PSMD11: variants seen among roughly 807,000 people sequenced by gnomAD.
The protein encoded by PSMD11 is 26S proteasome non-ATPase regulatory subunit 11.
PSMD11 carries 5 observed loss-of-function variants against 62.3 expected under a neutral mutation model. The observed-to-expected ratio is 0.08, with a 90% confidence interval of 0.04 to 0.17. PSMD11 has a LOEUF of 0.17. PSMD11 is among the 10% of genes least tolerant of loss of function. The probability of loss-of-function intolerance (pLI) is 1.00; values close to 1 mark genes in which losing one functional copy is unlikely to be tolerated. For synonymous variants in PSMD11, 191 were observed against 191.8 expected, an observed-to-expected ratio of 1.00 and a Z score of 0.03; for missense variants, 310 against 512.9, an observed-to-expected ratio of 0.60 and a Z score of 3.82.
intron 8 of PSMD11, among the ~76,000 whole-genome samples, chr17:32,475,334 T>C (rs995500322): frequency 6.6e-6 from 1 of 151,750 alleles, no homozygotes; most frequent in African/African-American, 2.4e-5. Context: ...AGAGGCCCTT[T>C]TTTTTTTTTT....
chr17:32,452,127 G>A (rs114797988), intron 2 of PSMD11, among the ~76,000 whole-genome samples: 5 of 152,128 alleles, frequency 3.3e-5, no homozygotes, highest in Non-Finnish European at 7.4e-5. Context: ...ACAAAGCCAC[G>A]CCCATTTGTT....
At chr17:32,464,178 T>G (rs369380097) in intron 4 of PSMD11, 58 bp downstream of exon 4, 5 of 1,447,364 alleles carry the variant, frequency 3.5e-6, no homozygotes, top group Non-Finnish European at 3.9e-6. Flanking sequence ...AGGGTGAATG[T>G]AAGCAGTACC....
At chr17:32,466,530 A>G (rs568777306) in intron 5 of PSMD11, among the ~76,000 whole-genome samples, 28 of 152,328 alleles carry the variant, frequency 1.8e-4, no homozygotes, top group African/African-American at 4.8e-4. Flanking sequence ...ATAATAGTCA[A>G]TTGTAAGGAT....
chr17:32,461,160 TTC>T (rs1022364440), intron 3 of PSMD11, among the ~76,000 whole-genome samples: 1 of 151,806 alleles, frequency 6.6e-6, no homozygotes, highest in Admixed American at 6.6e-5. Flanking sequence ...TCACTGCAAC[TTC>T]TGCCTCCCAG....
chr17:32,480,398 C>A, intron 12 of PSMD11, 91 bp from the exon 13 acceptor site: 2 of 1,515,470 alleles, frequency 1.3e-6, no homozygotes, highest in Non-Finnish European at 9.1e-7. Context: ...CTTTTCTGGA[C>A]ACAGTGAGTC....
chr17:32,457,016 A>G (rs9910731), intron 3 of PSMD11, among the ~76,000 whole-genome samples: 92,828 of 152,082 alleles, frequency 0.61, 29,404 homozygotes, highest in African/African-American at 0.73. Context: ...AAATCCATTC[A>G]AGTGCTCTGC....
chr17:32,446,032 T>G (rs954468944), intron 1 of PSMD11: 1 of 152,186 alleles, frequency 6.6e-6, no homozygotes, highest in Non-Finnish European at 1.5e-5. Flanking sequence ...TGTCTAATAT[T>G]TTTTCTTTCA....
At chr17:32,474,485 TAA>T (rs1183326750) in intron 7 of PSMD11, among the ~76,000 whole-genome samples, 1 of 152,240 alleles carries the variant, frequency 6.6e-6, no homozygotes, top group African/African-American at 2.4e-5. Flanking sequence ...GGATTTGACT[TAA>T]ACTTATAGTT....
rs768711423 is a variant in PSMD11 at position 32,474,743 on chromosome 17, C to G, written c.789-21C>G. ...AAGCATAACATCTGCAGCAATTGACCAAGTATGTCTTTTTTTCTAGCCCAG... is the reference window on the plus strand; with the variant it reads ...AAGCATAACATCTGCAGCAATTGACGAAGTATGTCTTTTTTTCTAGCCCAG... On this transcript the variant is annotated intron_variant, in intron 7 of 13. Coordinates refer to ENST00000261712, the MANE Select transcript of PSMD11 (RefSeq NM_002815.4). 1.9e-6 allele frequency: 3 copies of G among 1,612,934 alleles called. No individual in the cohort carries two copies. The African/African-American group carries it at 4.0e-5, about 22-fold the overall frequency.
At chr17:32,448,919 A>G (rs780959839) in intron 2 of PSMD11, among the ~76,000 whole-genome samples, 1 of 152,174 alleles carries the variant, frequency 6.6e-6, no homozygotes. Context: ...ACTTAAATGA[A>G]TTATCATTGG....
At chr17:32,449,834 G>GT (rs972216649) in intron 2 of PSMD11, among the ~76,000 whole-genome samples, 1 of 152,090 alleles carries the variant, frequency 6.6e-6, no homozygotes, top group South Asian at 2.1e-4. Flanking sequence ...TTAATGTTCA[G>GT]TTTTTTTATG....
chr17:32,465,171 A>G (rs1238575567), intron 5 of PSMD11, among the ~76,000 whole-genome samples: 1 of 151,796 alleles, frequency 6.6e-6, no homozygotes, highest in Non-Finnish European at 1.5e-5. Context: ...CCCAGGCTGG[A>G]GTGCAGCAGT....
intron 9 of PSMD11, 135 bp downstream of exon 9, chr17:32,477,718 A>G (rs1311343281): frequency 1.5e-6 from 1 of 669,320 alleles, no homozygotes; most frequent in Non-Finnish European, 2.4e-6. Context: ...CACCTAGGAC[A>G]GTATTAAAAC....
chr17:32,462,756 G>A (rs886413231), intron 3 of PSMD11, among the ~76,000 whole-genome samples: 9 of 151,912 alleles, frequency 5.9e-5, no homozygotes, highest in African/African-American at 7.3e-5. Context: ...GTGCGATCTC[G>A]GCTCACCGCA....
chr17:32,460,696 C>G (rs894951921), intron 3 of PSMD11, among the ~76,000 whole-genome samples: 3 of 151,438 alleles, frequency 2.0e-5, no homozygotes, highest in African/African-American at 7.3e-5. Flanking sequence ...TGGCGTGAAC[C>G]CGGGAGGCGG....
At chr17:32,453,603 C>T (rs887312250) in intron 2 of PSMD11, among the ~76,000 whole-genome samples, 1 of 152,028 alleles carries the variant, frequency 6.6e-6, no homozygotes, top group African/African-American at 2.4e-5. Context: ...GTTTGCTTGC[C>T]CTGAATTAGA....
intron 6 of PSMD11, among the ~76,000 whole-genome samples, chr17:32,472,054 G>A (rs1281789396): frequency 6.6e-6 from 1 of 151,906 alleles, no homozygotes; most frequent in African/African-American, 2.4e-5. Flanking sequence ...TTTTTGTAGA[G>A]ATGGGGTTTC....
intron 3 of PSMD11, among the ~76,000 whole-genome samples, chr17:32,461,061 C>A (rs1038760959): frequency 1.3e-5 from 2 of 152,040 alleles, no homozygotes; most frequent in African/African-American, 4.8e-5. Flanking sequence ...TATAGTCTAC[C>A]CAATTGAAAC....
intron 3 of PSMD11, among the ~76,000 whole-genome samples, chr17:32,461,320 G>T (rs767641875): frequency 6.6e-6 from 1 of 152,058 alleles, no homozygotes; most frequent in Non-Finnish European, 1.5e-5. Context: ...CTCGTGATCC[G>T]CCCGCTTTGG....
Sources: gnomAD v4.1 joint callset for allele counts (sites outside exome capture counted in the v4.1 genomes callset) on GRCh38, gnomAD v4.1.1 for gene constraint, MANE v1.5 for transcripts, NCBI Gene and HGNC (gene_info 2026-07-23, HGNC 2026-07-21) for gene names.